Variants in ENG observed in about 807,000 individuals in gnomAD.
ENG encodes the protein CD105 antigen.
A neutral mutation model predicts 71.0 loss-of-function variants in ENG; 17 were observed. The ratio of observed to expected loss-of-function variants is 0.24; its 90% CI spans 0.16 to 0.36. ENG has a LOEUF of 0.36. ENG is among the 10% of genes least tolerant of loss of function. ENG has a pLI of 1.00. For synonymous variants in ENG, 360 were observed against 366.9 expected (o/e 0.98, Z 0.21); for missense variants, 749 against 868.3 (o/e 0.86, Z 1.73).
intron 13 of ENG, chr9:127,816,407 C>T (rs1564451585): frequency 2.5e-6 from 1 of 402,216 alleles, no homozygotes; most frequent in Non-Finnish European, 4.7e-6. Context: ...TTGGGTCAAC[C>T]CTGCCCCTCT....
rs546892762 is a variant in ENG at position 127,854,470 on chromosome 9, C to G, written c.-115G>C. The G allele has an allele frequency of 7.6e-4, 891 of 1,167,066 alleles. 17 individuals carry two copies. In the South Asian group the frequency reaches 0.013, roughly 17 times the overall value. The allele number at this position is 1,167,066 out of a possible 1,614,324, so 72.3% of individuals were successfully genotyped here. A position where few individuals can be genotyped will look rare whatever the true frequency, so the allele number is the denominator to read the frequency against. Reference sequence around the variant, plus strand: ...CGGGGACCCGAGGGGAGCAGGCGGCCGGAGCGACGGCGTCCCTGCTCCAGC... The same window carrying G: ...CGGGGACCCGAGGGGAGCAGGCGGCGGGAGCGACGGCGTCCCTGCTCCAGC... On this transcript the variant is annotated 5_prime_UTR_variant, in exon 1 of 15. Transcript: ENST00000373203.
intron 8 of ENG, among the ~76,000 whole-genome samples, chr9:127,823,673 CTTTTT>C (rs1017053002): frequency 1.0e-4 from 10 of 99,036 alleles, no homozygotes; most frequent in African/African-American, 1.4e-4. Context: ...CAGGCACCGG[CTTTTT>C]TTTTTTTTTT....
chr9:127,826,136 A>G (rs552622270), intron 4 of ENG, among the ~76,000 whole-genome samples: 67 of 152,338 alleles, frequency 4.4e-4, no homozygotes, highest in Non-Finnish European at 8.5e-4. Context: ...ACCCGAAATT[A>G]TAGATTTATC....
At chr9:127,819,061 C>T (rs1288506407) in intron 10 of ENG, among the ~76,000 whole-genome samples, 1 of 151,968 alleles carries the variant, frequency 6.6e-6, no homozygotes, top group Non-Finnish European at 1.5e-5. Context: ...CCTCAGCCTC[C>T]CAAGTAGCTG....
chr9:127,844,780 G>A (rs1831131731), intron 1 of ENG, among the ~76,000 whole-genome samples: 1 of 152,218 alleles, frequency 6.6e-6, no homozygotes, highest in Admixed American at 6.5e-5. Flanking sequence ...GGGCCTAGGT[G>A]TGAACCCAAG....
At chr9:127,823,409 G>A (rs1384058950) in intron 8 of ENG, among the ~76,000 whole-genome samples, 2 of 145,506 alleles carry the variant, frequency 1.4e-5, no homozygotes, top group African/African-American at 5.1e-5. Flanking sequence ...TTTTCTTTGA[G>A]ATGGAGTCTC....
chr9:127,852,897 A>G (rs1829066149), intron 1 of ENG, among the ~76,000 whole-genome samples: 1 of 152,114 alleles, frequency 6.6e-6, no homozygotes, highest in Non-Finnish European at 1.5e-5. Context: ...GTCTGCATGG[A>G]CCTTTCTCTA....
chr9:127,843,673 CTACATATATACA>C (rs1195586375), intron 1 of ENG, among the ~76,000 whole-genome samples: 1 of 84,320 alleles, frequency 1.2e-5, no homozygotes, highest in African/African-American at 4.4e-5. Context: ...ATACATAGAT[CTACATATATACA>C]TACATATATA....
At chr9:127,819,742 A>T (rs1185068887) in intron 9 of ENG, 82 bp from the exon 10 acceptor site, 16 of 1,587,696 alleles carry the variant, frequency 1.0e-5, no homozygotes, top group Non-Finnish European at 3.4e-6. Context: ...ATTTTTGCAG[A>T]TGGGGAGACT....
intron 1 of ENG, among the ~76,000 whole-genome samples, chr9:127,843,652 T>G (rs946475780): frequency 7.1e-6 from 1 of 141,506 alleles, no homozygotes; most frequent in South Asian, 2.3e-4. Context: ...TATATATACA[T>G]ACACACACAT....
chr9:127,829,752 G>A lies in ENG; in HGVS notation c.295C>T (p.Leu99Phe), dbSNP rs780528749. 1.9e-6 allele frequency: 3 copies of A among 1,614,152 alleles called. No individual in the cohort carries two copies. The highest frequency in any genetic ancestry group is 2.5e-6 in the Non-Finnish European group (3 of 1,180,028). The change falls in exon 3 of 15, where the codon CTC (leucine) becomes TTC (phenylalanine). Residue 99 changes from leucine to phenylalanine, a missense_variant. Transcript: ENST00000373203. ...AGGAAGACACTGCTGTTTACACTGA[G>A]GACCAGAAGCACCTCTCGGGGCCAG... The part of the protein sequence containing the change: ...GTWPREVLLV[L>F]SVNSSVFLHL...
chr9:127,845,806 A>G (rs1831156816), intron 1 of ENG, among the ~76,000 whole-genome samples: 1 of 152,208 alleles, frequency 6.6e-6, no homozygotes. Context: ...TGCTGGGTTC[A>G]AGCGATCCTC....
At chr9:127,828,189 C>T (rs1462981235) in intron 3 of ENG, among the ~76,000 whole-genome samples, 1 of 152,070 alleles carries the variant, frequency 6.6e-6, no homozygotes, top group African/African-American at 2.4e-5. Context: ...GAAGTAGATA[C>T]CTTCTCTGTA....
In ENG at chr9:127,846,650, C is replaced by G. The variant is rs1260261065; in HGVS notation, c.68-3405G>C. ...ATTTATTTTGGGGCCTTTTCGAATCCTGGCCGCCCCCACCCCGCAGACGAG... is the reference window on the plus strand; with the variant it reads ...ATTTATTTTGGGGCCTTTTCGAATCGTGGCCGCCCCCACCCCGCAGACGAG... On this transcript the variant is annotated intron_variant, in intron 1 of 14. Coordinates refer to ENST00000373203, the MANE Select transcript of ENG (RefSeq NM_001114753.3). The surrounding 1 kb of genome is among the most constrained non-coding windows in gnomAD (Gnocchi z 5.5). Among the ~76,000 whole-genome samples the G allele has an allele frequency of 2.0e-5, 3 of 152,178 alleles. No individual in the cohort carries two copies. The highest frequency in any genetic ancestry group is 2.9e-5 in the Non-Finnish European group (2 of 68,024).
rs1830912412 is a variant in ENG at position 127,836,803 on chromosome 9, T to C, written c.219+6291A>G. Among the ~76,000 whole-genome samples the C allele has an allele frequency of 6.6e-6, 1 of 152,196 alleles. No individual in the cohort carries two copies. Among genetic ancestry groups the C allele is most frequent in the Non-Finnish European group, 1.5e-5 (1 of 68,024 alleles). On this transcript the variant is annotated intron_variant, in intron 2 of 14. Transcript: ENST00000373203. This position sits in a 1 kb window ranked among gnomAD's most constrained non-coding sequence, Gnocchi z 4.0. ...CATGTGGGAGTAGTTTGGCTTTTTTTTTGAGACACAGTCTTGCTCTGTCAC... is the reference window on the plus strand; with the variant it reads ...CATGTGGGAGTAGTTTGGCTTTTTTCTTGAGACACAGTCTTGCTCTGTCAC...
Position 127,826,516 on chromosome 9 carries a change from C to G in ENG, c.517G>C (p.Gly173Arg). 1 of 1,614,034 alleles carries G rather than the reference C, an allele frequency of 6.2e-7. No individual in the cohort carries two copies. Among genetic ancestry groups the G allele is most frequent in the South Asian group, 1.1e-5 (1 of 91,080 alleles). The change falls in exon 4 of 15, where the codon GGC (glycine) becomes CGC (arginine). Residue 173 changes from glycine to arginine, a missense_variant. By Grantham distance (125) the Gly-to-Arg change is moderately radical. Coordinates refer to ENST00000373203, the MANE Select transcript of ENG (RefSeq NM_001114753.3). ...NDPQSILLRL[G>R]QAQGSLSFCM... ...GGTTGCTGGGGAAACTGACCTTGGC[C>G]CAGTCGGAGGAGGATGCTCTGGGGG...
chr9:127,831,718 G>T (rs148836023), intron 2 of ENG, among the ~76,000 whole-genome samples: 3,963 of 148,770 alleles, frequency 0.027, 74 homozygotes, highest in Middle Eastern at 0.081. Flanking sequence ...TTGAGACAGG[G>T]TCTTGCTCTG....
intron 1 of ENG, among the ~76,000 whole-genome samples, chr9:127,851,462 C>T (rs1159700550): frequency 6.6e-6 from 1 of 152,130 alleles, no homozygotes; most frequent in East Asian, 1.9e-4. Flanking sequence ...TCAGGTGATC[C>T]ACCCGCCTCA....
At chr9:127,835,149 C>T (rs772511552) in intron 2 of ENG, among the ~76,000 whole-genome samples, 1 of 152,074 alleles carries the variant, frequency 6.6e-6, no homozygotes, top group Non-Finnish European at 1.5e-5. Flanking sequence ...CAGGCATACA[C>T]CAGTATGCCT....
Sources: gnomAD v4.1 joint callset for allele counts (sites outside exome capture counted in the v4.1 genomes callset) on GRCh38, gnomAD v4.1.1 for gene constraint, Gnocchi (gnomAD v3.1) non-coding constraint, MANE v1.5 for transcripts, NCBI Gene and HGNC (gene_info 2026-07-23, HGNC 2026-07-21) for gene names.